The following GRIA4 variants were observed in gnomAD, a reference collection of about 807,000 sequenced individuals.
The protein encoded by GRIA4 is glutamate ionotropic receptor AMPA type subunit 4, also known as glutamate receptor 4.
GRIA4 carries 34 observed loss-of-function variants against 104.0 expected under a neutral mutation model. That is an observed-to-expected ratio of 0.33 (90% CI 0.25 to 0.44). The LOEUF is 0.44. Among genes scored for constraint, GRIA4 ranks in the 20% least tolerant of loss-of-function variants. The probability of loss-of-function intolerance (pLI) is 1.00; values close to 1 mark genes in which losing one functional copy is unlikely to be tolerated. For missense variants in GRIA4, 750 were observed against 1,096.5 expected, an observed-to-expected ratio of 0.68 and a Z score of 4.46; for synonymous variants, 386 against 381.9, an observed-to-expected ratio of 1.01 and a Z score of -0.13.
At chr11:105,897,880 G>C (rs1946712737) in intron 6 of GRIA4, among the ~76,000 whole-genome samples, 1 of 151,934 alleles carries the variant, frequency 6.6e-6, no homozygotes, top group African/African-American at 2.4e-5. Context: ...CGTTTTTATT[G>C]TGTCCTTGCC....
intron 4 of GRIA4, among the ~76,000 whole-genome samples, chr11:105,861,627 G>C (rs1945228330): frequency 6.6e-6 from 1 of 151,908 alleles, no homozygotes; most frequent in South Asian, 2.1e-4. Flanking sequence ...CTTGTTCAAG[G>C]GGAAAGTCAA....
Position 105,916,099 on chromosome 11 carries a change from G to A in GRIA4, c.1270-2613G>A, listed in dbSNP as rs953624414. The stretch of plus-strand genomic sequence containing the variant: ...CTTGGGAGGCTGAGGCAGGAGAATC[G>A]CTTGAACCCGGAAGGCAGAGGTTGC... On this transcript the variant is annotated intron_variant, in intron 10 of 16. Coordinates refer to ENST00000282499, the MANE Select transcript of GRIA4 (RefSeq NM_000829.4). Among the ~76,000 whole-genome samples, 10 of 152,164 alleles carry A rather than the reference G, an allele frequency of 6.6e-5. No individual in the cohort carries two copies. The East Asian group carries it at 1.6e-3, about 24-fold the overall frequency.
At chr11:105,786,561 AG>A (rs1941975142) in intron 4 of GRIA4, among the ~76,000 whole-genome samples, 3 of 152,194 alleles carry the variant, frequency 2.0e-5, no homozygotes, top group Non-Finnish European at 4.4e-5. Flanking sequence ...GTACTATGCT[AG>A]GTTCCGGGAA....
chr11:105,680,412 T>C (rs1952672572), intron 3 of GRIA4, among the ~76,000 whole-genome samples: 1 of 152,120 alleles, frequency 6.6e-6, no homozygotes, highest in Admixed American at 6.6e-5. Flanking sequence ...CCTGCAAGGT[T>C]AATGCCTCAT....
At chr11:105,805,818 G>A (rs1030055917) in intron 4 of GRIA4, among the ~76,000 whole-genome samples, 5 of 151,886 alleles carry the variant, frequency 3.3e-5, no homozygotes, top group African/African-American at 1.2e-4. Context: ...ATGACAAAAT[G>A]TCAGATTCTG....
chr11:105,868,141 C>T (rs574887301), intron 5 of GRIA4, among the ~76,000 whole-genome samples: 1 of 152,074 alleles, frequency 6.6e-6, no homozygotes, highest in Non-Finnish European at 1.5e-5. Context: ...TAAGTATAAT[C>T]AAGGCAGTCC....
intron 5 of GRIA4, among the ~76,000 whole-genome samples, chr11:105,874,330 T>C (rs1172412071): frequency 1.3e-5 from 2 of 152,224 alleles, no homozygotes; most frequent in African/African-American, 2.4e-5. Context: ...CTTTGTAGTA[T>C]AGTTTTAAGT....
chr11:105,610,669 C>G (rs1950447224), intron 1 of GRIA4: 2 of 284,106 alleles, frequency 7.0e-6, no homozygotes, highest in Non-Finnish European at 1.3e-5. Context: ...GAGCGCATGT[C>G]TCATCCCTGC....
At chr11:105,919,843 T>A (rs116547146) in intron 11 of GRIA4, among the ~76,000 whole-genome samples, 1 of 152,140 alleles carries the variant, frequency 6.6e-6, no homozygotes, top group Admixed American at 6.6e-5. Context: ...AGCCAACTTA[T>A]ATTTCACCTT....
At chr11:105,632,903 G>A (rs1951072376) in intron 3 of GRIA4, among the ~76,000 whole-genome samples, 1 of 152,170 alleles carries the variant, frequency 6.6e-6, no homozygotes, top group African/African-American at 2.4e-5. Context: ...CCTGAGCCAA[G>A]CCTCATGTAT....
intron 4 of GRIA4, among the ~76,000 whole-genome samples, chr11:105,853,099 C>T (rs115265685): frequency 0.017 from 2,598 of 152,032 alleles, 192 homozygotes; most frequent in African/African-American, 0.058. Context: ...CTTCAACATA[C>T]GGTAGAATAA....
intron 3 of GRIA4, among the ~76,000 whole-genome samples, chr11:105,741,839 G>A (rs1939329523): frequency 6.6e-6 from 1 of 152,108 alleles, no homozygotes. Flanking sequence ...AACCAAGAAT[G>A]GTGGTTACCA....
At chr11:105,862,437 A>G in intron 5 of GRIA4, 2 of 409,502 alleles carry the variant, frequency 4.9e-6, no homozygotes, top group South Asian at 6.2e-5. Context: ...ACATATTCTT[A>G]AGACTTGAAT....
chr11:105,684,546 C>CATATATATATATATATATACACATAT, intron 3 of GRIA4, among the ~76,000 whole-genome samples: 1 of 144,996 alleles, frequency 6.9e-6, no homozygotes, highest in Non-Finnish European at 1.5e-5. Context: ...TATATATATA[C>CATATATATATATATATATACACATAT]ATATATATAT....
intron 14 of GRIA4, among the ~76,000 whole-genome samples, chr11:105,967,196 T>C (rs1288557228): frequency 6.6e-6 from 1 of 151,710 alleles, no homozygotes; most frequent in Non-Finnish European, 1.5e-5. Flanking sequence ...TTATCACAAA[T>C]ACAGGAGAAG....
intron 14 of GRIA4, among the ~76,000 whole-genome samples, chr11:105,957,669 G>A (rs1948626377): frequency 6.6e-6 from 1 of 152,156 alleles, no homozygotes; most frequent in Non-Finnish European, 1.5e-5. Context: ...TAGCTTGATG[G>A]GGATGGCATT....
chr11:105,833,273 T>C (rs1392961350), intron 4 of GRIA4, among the ~76,000 whole-genome samples: 1 of 152,024 alleles, frequency 6.6e-6, no homozygotes, highest in Non-Finnish European at 1.5e-5. Flanking sequence ...TTGATGAACA[T>C]TATTTCACCT....
chr11:105,888,532 C>T (rs992714412), intron 6 of GRIA4, among the ~76,000 whole-genome samples: 3 of 151,682 alleles, frequency 2.0e-5, no homozygotes, highest in Non-Finnish European at 2.9e-5. Flanking sequence ...GTGATCCGCC[C>T]GCCTCGGCCT....
At chr11:105,799,668 T>C (rs1297943497) in intron 4 of GRIA4, among the ~76,000 whole-genome samples, 1 of 152,092 alleles carries the variant, frequency 6.6e-6, no homozygotes, top group Non-Finnish European at 1.5e-5. Context: ...TGAACAGATA[T>C]AGTGGTAGGA....
Sources: gnomAD v4.1 joint callset for allele counts (sites outside exome capture counted in the v4.1 genomes callset) on GRCh38, gnomAD v4.1.1 for gene constraint, MANE v1.5 for transcripts, NCBI Gene and HGNC (gene_info 2026-07-23, HGNC 2026-07-21) for gene names.